Variants in PPP3CA observed in about 807,000 individuals in gnomAD.
PPP3CA encodes the protein CAM-PRP catalytic subunit.
In PPP3CA, 14 loss-of-function variants were observed where a neutral mutation model predicts 66.5. The ratio of observed to expected loss-of-function variants is 0.21; its 90% CI spans 0.14 to 0.33. The LOEUF is 0.33. PPP3CA is among the 10% of genes least tolerant of loss of function. PPP3CA has a pLI of 1.00. For missense variants in PPP3CA, 317 were observed against 639.5 expected, an observed-to-expected ratio of 0.50 and a Z score of 5.44; for synonymous variants, 232 against 226.2, an observed-to-expected ratio of 1.03 and a Z score of -0.23.
At chr4:101,121,635 G>A (rs1722033197) in intron 2 of PPP3CA, among the ~76,000 whole-genome samples, 1 of 151,970 alleles carries the variant, frequency 6.6e-6, no homozygotes, top group Admixed American at 6.6e-5. Flanking sequence ...TTAACAGGTA[G>A]TTATTAAGTA....
At chr4:101,086,168 AAGC>A (rs1392293337) in intron 6 of PPP3CA, among the ~76,000 whole-genome samples, 2 of 152,282 alleles carry the variant, frequency 1.3e-5, no homozygotes, top group East Asian at 3.9e-4. Context: ...AGATATTATA[AAGC>A]AAGCAAGAAA....
At chr4:101,269,141 C>G (rs1727255271) in intron 1 of PPP3CA, among the ~76,000 whole-genome samples, 1 of 152,108 alleles carries the variant, frequency 6.6e-6, no homozygotes. Flanking sequence ...TACACAGATG[C>G]CCTCCTCATC....
chr4:101,324,139 G>GGGAA (rs1381299052), intron 1 of PPP3CA, among the ~76,000 whole-genome samples: 1 of 122,728 alleles, frequency 8.1e-6, no homozygotes, highest in Non-Finnish European at 1.6e-5. Context: ...AGGGAAGGAA[G>GGGAA]GGAAGGAAGG....
intron 2 of PPP3CA, among the ~76,000 whole-genome samples, chr4:101,130,086 G>A (rs1020066099): frequency 5.3e-5 from 8 of 152,034 alleles, no homozygotes; most frequent in South Asian, 2.1e-4. Flanking sequence ...AACAGAGCAC[G>A]AGAACTTAAT....
chr4:101,116,563 A>G lies in PPP3CA; in HGVS notation c.260-7485T>C, dbSNP rs188969046. ...GTTGATAATCCAGGGTTATGGAACC[A>G]TAAGTGGATGGTAAGTTCAAGTACA... On this transcript the variant is annotated intron_variant, in intron 2 of 13. Transcript: ENST00000394854. Among the ~76,000 whole-genome samples the G allele has an allele frequency of 4.6e-5, 7 of 151,972 alleles. No homozygotes were observed. The East Asian group carries it at 9.7e-4, about 21-fold the overall frequency.
intron 1 of PPP3CA, among the ~76,000 whole-genome samples, chr4:101,242,396 A>G (rs2110235162): frequency 6.6e-6 from 1 of 152,262 alleles, no homozygotes; most frequent in East Asian, 1.9e-4. Context: ...TCCAATTGAA[A>G]ACTGGTAAGC....
intron 1 of PPP3CA, among the ~76,000 whole-genome samples, chr4:101,199,196 A>G (rs1724893971): frequency 6.6e-6 from 1 of 152,252 alleles, no homozygotes; most frequent in African/African-American, 2.4e-5. Context: ...AGAATCCTGC[A>G]TGAAGACCTG....
chr4:101,257,643 G>C (rs1321018726), intron 1 of PPP3CA, among the ~76,000 whole-genome samples: 1 of 151,920 alleles, frequency 6.6e-6, no homozygotes, highest in Non-Finnish European at 1.5e-5. Context: ...TGTTGGATGA[G>C]GTACCTCTTC....
intron 1 of PPP3CA, among the ~76,000 whole-genome samples, chr4:101,197,288 T>G (rs1724828432): frequency 6.6e-6 from 1 of 152,224 alleles, no homozygotes; most frequent in African/African-American, 2.4e-5. Flanking sequence ...GTTAATCTAA[T>G]GGCATAGATT....
intron 2 of PPP3CA, among the ~76,000 whole-genome samples, chr4:101,110,875 A>C: frequency 6.6e-6 from 1 of 152,188 alleles, no homozygotes; most frequent in East Asian, 1.9e-4. Context: ...CACAGCTATA[A>C]TTGGAGCTGT....
chr4:101,249,156 G>T (rs559022503), intron 1 of PPP3CA, among the ~76,000 whole-genome samples: 1 of 119,754 alleles, frequency 8.4e-6, no homozygotes, highest in Non-Finnish European at 1.7e-5. Flanking sequence ...GACAGAGCGA[G>T]ACTCTGTCTC....
chr4:101,045,192 G>C (rs370782200), intron 10 of PPP3CA, among the ~76,000 whole-genome samples: 2 of 152,206 alleles, frequency 1.3e-5, no homozygotes, highest in Admixed American at 1.3e-4. Context: ...CCATGTGCTA[G>C]CAATAGAAAT....
At chr4:101,198,013 CCTTTT>C (rs1236748139) in intron 1 of PPP3CA, among the ~76,000 whole-genome samples, 1 of 152,104 alleles carries the variant, frequency 6.6e-6, no homozygotes, top group African/African-American at 2.4e-5. Context: ...CACAAATACT[CCTTTT>C]ATTTTCCAAA....
Position 101,196,132 on chromosome 4 carries a change from T to C in PPP3CA, c.59-16A>G. On this transcript the variant is annotated splice_polypyrimidine_tract_variant and intron_variant, in intron 1 of 13. Transcript: ENST00000394854. ...AATGGAACAGCTGAAAGAAGAAAGG[T>C]CTAATTATTACATTAGCCAAAACTC... 1 of 1,611,188 alleles carries C rather than the reference T, an allele frequency of 6.2e-7. No homozygotes were observed. The highest frequency in any genetic ancestry group is 2.2e-5 in the East Asian group (1 of 44,810).
chr4:101,236,630 G>A (rs1452970135), intron 1 of PPP3CA, among the ~76,000 whole-genome samples: 1 of 151,934 alleles, frequency 6.6e-6, no homozygotes, highest in Non-Finnish European at 1.5e-5. Flanking sequence ...ATCATCTATA[G>A]AAGGCAGGGA....
At chr4:101,160,341 C>A (rs995346155) in intron 2 of PPP3CA, among the ~76,000 whole-genome samples, 1 of 152,116 alleles carries the variant, frequency 6.6e-6, no homozygotes, top group African/African-American at 2.4e-5. Flanking sequence ...AGGGAAATAA[C>A]TTATCCTTTT....
At chr4:101,036,302 C>G (rs1560572473) in intron 11 of PPP3CA, among the ~76,000 whole-genome samples, 1 of 152,074 alleles carries the variant, frequency 6.6e-6, no homozygotes, top group Non-Finnish European at 1.5e-5. Context: ...CTGAAGAATT[C>G]TTTATTTTTC....
chr4:101,323,888 C>T (rs985402220), intron 1 of PPP3CA, among the ~76,000 whole-genome samples: 3 of 152,184 alleles, frequency 2.0e-5, no homozygotes, highest in Non-Finnish European at 4.4e-5. Flanking sequence ...GCAGGCAGAT[C>T]ACTTGAGGTC....
intron 1 of PPP3CA, among the ~76,000 whole-genome samples, chr4:101,211,867 A>C (rs1725309446): frequency 6.6e-6 from 1 of 152,160 alleles, no homozygotes; most frequent in Non-Finnish European, 1.5e-5. Context: ...CATGGTTATT[A>C]GTTTTGATTT....
Sources: gnomAD v4.1 joint callset for allele counts (sites outside exome capture counted in the v4.1 genomes callset) on GRCh38, gnomAD v4.1.1 for gene constraint, MANE v1.5 for transcripts, NCBI Gene and HGNC (gene_info 2026-07-23, HGNC 2026-07-21) for gene names.